Variants in SLC24A2 observed in about 807,000 individuals in gnomAD.
SLC24A2 encodes sodium/potassium/calcium exchanger 2.
Under a neutral mutation model 62.0 loss-of-function variants are expected in SLC24A2, and 36 were observed. That is an observed-to-expected ratio of 0.58 (90% CI 0.44 to 0.77). The LOEUF (loss-of-function observed/expected upper bound fraction) is 0.77, where lower values mean the gene tolerates loss of function less well. SLC24A2 is among the 30% of genes least tolerant of loss of function. The pLI, the probability that SLC24A2 is intolerant of heterozygous loss-of-function variation, is 0.00. For synonymous variants in SLC24A2, 358 were observed against 294.0 expected (o/e 1.22, Z -2.23); for missense variants, 846 against 817.9 (o/e 1.03, Z -0.42).
chr9:19,706,561 G>C (rs1244727074), intron 2 of SLC24A2, among the ~76,000 whole-genome samples: 2 of 151,882 alleles, frequency 1.3e-5, no homozygotes, highest in Non-Finnish European at 2.9e-5. Context: ...TGTATTTTTA[G>C]TAGAGACGGG....
chr9:19,849,062 C>T, the SLC24A2 span, among the ~76,000 whole-genome samples: 3 of 152,104 alleles, frequency 2.0e-5, no homozygotes, highest in African/African-American at 7.2e-5. Flanking sequence ...GTGGCACAAG[C>T]GAGAAATGTG....
At chr9:19,611,382 GGGAGAGGAA>G (rs1376355611) in intron 4 of SLC24A2, among the ~76,000 whole-genome samples, 5 of 150,890 alleles carry the variant, frequency 3.3e-5, no homozygotes, top group South Asian at 4.2e-4. Context: ...AGAGAGATGA[GGGAGAGGAA>G]GGAGGGGAAG....
the SLC24A2 span, among the ~76,000 whole-genome samples, chr9:20,187,543 T>G: frequency 3.9e-4 from 59 of 152,284 alleles, no homozygotes; most frequent in African/African-American, 1.4e-3. Flanking sequence ...ATGCTTCAAT[T>G]CTTGCAGTTC....
intron 7 of SLC24A2, among the ~76,000 whole-genome samples, chr9:19,563,521 T>C (rs980406148): frequency 2.0e-5 from 3 of 152,288 alleles, no homozygotes; most frequent in South Asian, 2.1e-4. Context: ...TGAATTCAGG[T>C]ACCGTATGCT....
At chr9:19,685,536 C>T (rs912985182) in intron 2 of SLC24A2, among the ~76,000 whole-genome samples, 12 of 152,116 alleles carry the variant, frequency 7.9e-5, no homozygotes, top group Non-Finnish European at 1.2e-4. Context: ...GTAACCAACA[C>T]AGAATGGTAC....
the SLC24A2 span, among the ~76,000 whole-genome samples, chr9:19,873,092 TGAA>T: frequency 6.6e-6 from 1 of 152,216 alleles, no homozygotes; most frequent in Non-Finnish European, 1.5e-5. Context: ...TCAGAAAGTC[TGAA>T]GAAGCAGTAT....
At chr9:19,940,221 C>G in the SLC24A2 span, among the ~76,000 whole-genome samples, 4 of 152,324 alleles carry the variant, frequency 2.6e-5, no homozygotes, top group African/African-American at 9.6e-5. Flanking sequence ...TAAGAGGCAT[C>G]TGGTAGCTCT....
At chr9:19,940,281 C>G in the SLC24A2 span, among the ~76,000 whole-genome samples, 1 of 152,292 alleles carries the variant, frequency 6.6e-6, no homozygotes, top group East Asian at 1.9e-4. Context: ...ACAGAAGAGG[C>G]TTTTGCCAAC....
chr9:20,081,091 C>G, the SLC24A2 span, among the ~76,000 whole-genome samples: 15 of 152,182 alleles, frequency 9.9e-5, no homozygotes, highest in South Asian at 2.1e-4. Flanking sequence ...GGATCTAGAA[C>G]TGGAAATACC....
the SLC24A2 span, among the ~76,000 whole-genome samples, chr9:20,113,669 C>T: frequency 4.6e-5 from 7 of 151,922 alleles, no homozygotes; most frequent in Non-Finnish European, 1.0e-4. Context: ...TCTCTGAACA[C>T]GTTGTGAAAT....
At chr9:19,594,440 T>A (rs924476128) in intron 5 of SLC24A2, among the ~76,000 whole-genome samples, 4 of 152,192 alleles carry the variant, frequency 2.6e-5, no homozygotes, top group African/African-American at 9.7e-5. Flanking sequence ...ATATAATGCA[T>A]CTTTCCATTT....
the SLC24A2 span, among the ~76,000 whole-genome samples, chr9:20,138,683 A>C: frequency 6.6e-6 from 1 of 152,188 alleles, no homozygotes; most frequent in African/African-American, 2.4e-5. Flanking sequence ...TTGCTCATGT[A>C]GGAGCTGTAT....
intron 2 of SLC24A2, among the ~76,000 whole-genome samples, chr9:19,634,281 CTTTT>C (rs35884916): frequency 2.5e-5 from 2 of 79,304 alleles, no homozygotes; most frequent in African/African-American, 9.6e-5. Flanking sequence ...ACTGCAGCCT[CTTTT>C]TTTTTTTTTT....
the SLC24A2 span, among the ~76,000 whole-genome samples, chr9:19,923,750 T>C: frequency 5.9e-5 from 9 of 152,262 alleles, no homozygotes; most frequent in Non-Finnish European, 1.3e-4. Context: ...TCTTTCTTTT[T>C]ACTTTTTTTC....
the SLC24A2 span, among the ~76,000 whole-genome samples, chr9:20,017,410 T>C: frequency 6.6e-6 from 1 of 152,182 alleles, no homozygotes; most frequent in East Asian, 1.9e-4. Flanking sequence ...AATATCTTTA[T>C]CATATATTAT....
chr9:19,780,860 G>A (rs370597375), intron 2 of SLC24A2, among the ~76,000 whole-genome samples: 12 of 119,984 alleles, frequency 1.0e-4, no homozygotes, highest in African/African-American at 3.3e-4. Flanking sequence ...GCGACAAAGC[G>A]AGACTCCGTC....
intron 7 of SLC24A2, among the ~76,000 whole-genome samples, chr9:19,560,472 G>T (rs1383015171): frequency 3.3e-5 from 5 of 152,174 alleles, no homozygotes; most frequent in African/African-American, 1.2e-4. Flanking sequence ...CTGTCTCTAT[G>T]TCCCCCTCTT....
chr9:20,041,173 T>A, the SLC24A2 span, among the ~76,000 whole-genome samples: 1 of 150,196 alleles, frequency 6.7e-6, no homozygotes, highest in Non-Finnish European at 1.5e-5. Context: ...TGCGCACGTG[T>A]GCGCGCAGAA....
the SLC24A2 span, among the ~76,000 whole-genome samples, chr9:20,007,356 G>C: frequency 2.0e-5 from 3 of 152,090 alleles, no homozygotes; most frequent in Non-Finnish European, 4.4e-5. Context: ...ACTTTAGGGT[G>C]AAAAGGTGCA....
Sources: allele counts gnomAD v4.1 joint callset (sites outside exome capture counted in the v4.1 genomes callset), GRCh38; gene constraint gnomAD v4.1.1; transcripts MANE v1.5; gene names NCBI Gene and HGNC (gene_info 2026-07-23, HGNC 2026-07-21).